The following ETV6 variants were observed in gnomAD, a reference collection of about 807,000 sequenced individuals.
ETV6 encodes the protein transcription factor ETV6.
Under a neutral mutation model 51.1 loss-of-function variants are expected in ETV6, and 16 were observed. That is an observed-to-expected ratio of 0.31 (90% confidence interval 0.21 to 0.48). The LOEUF (loss-of-function observed/expected upper bound fraction) is 0.48, where lower values mean the gene tolerates loss of function less well. Among genes scored for constraint, ETV6 ranks in the 20% least tolerant of loss-of-function variants. The pLI is 0.99. For missense variants in ETV6, 458 were observed against 594.8 expected, an observed-to-expected ratio of 0.77 and a Z score of 2.39; for synonymous variants, 240 against 224.1, an observed-to-expected ratio of 1.07 and a Z score of -0.64.
At chr12:11,805,164 A>G (rs1830426088) in intron 2 of ETV6, among the ~76,000 whole-genome samples, 1 of 152,192 alleles carries the variant, frequency 6.6e-6, no homozygotes, top group Non-Finnish European at 1.5e-5. Context: ...GCCTGCCTTC[A>G]GAGGCACTTG....
At chr12:11,670,092 A>G (rs1346573655) in intron 1 of ETV6, among the ~76,000 whole-genome samples, 1 of 150,936 alleles carries the variant, frequency 6.6e-6, no homozygotes, top group Non-Finnish European at 1.5e-5. Flanking sequence ...TTTTATCTTT[A>G]AAATTTTCTT....
At chr12:11,651,424 C>T (rs1006712362) in intron 1 of ETV6, among the ~76,000 whole-genome samples, 3 of 152,146 alleles carry the variant, frequency 2.0e-5, no homozygotes, top group South Asian at 2.1e-4. Context: ...TTTGGTGTTT[C>T]TTATCAGAAA....
chr12:11,763,148 CT>C, intron 2 of ETV6, among the ~76,000 whole-genome samples: 1 of 152,274 alleles, frequency 6.6e-6, no homozygotes, highest in South Asian at 2.1e-4. Context: ...ATTCTGATTC[CT>C]TCACGCCATT....
chr12:11,823,105 G>C (rs1346323159), intron 2 of ETV6, among the ~76,000 whole-genome samples: 3 of 152,158 alleles, frequency 2.0e-5, no homozygotes, highest in Admixed American at 2.0e-4. Context: ...AAGACCAACC[G>C]CACCTGTAGG....
chr12:11,704,821 A>G (rs941541949), intron 1 of ETV6, among the ~76,000 whole-genome samples: 3 of 152,110 alleles, frequency 2.0e-5, no homozygotes, highest in Admixed American at 2.0e-4. Context: ...TAAAATCTAC[A>G]TATTTAACAA....
At chr12:11,727,655 T>C (rs1313816975) in intron 1 of ETV6, among the ~76,000 whole-genome samples, 1 of 148,056 alleles carries the variant, frequency 6.8e-6, no homozygotes. Context: ...TACATGGTCA[T>C]GAAAAGTGCA....
intron 1 of ETV6, among the ~76,000 whole-genome samples, chr12:11,673,508 A>G (rs529285057): frequency 6.6e-6 from 1 of 152,332 alleles, no homozygotes; most frequent in South Asian, 2.1e-4. Flanking sequence ...AAAAAGCAGT[A>G]AAGTCAGGTC....
chr12:11,720,467 A>G (rs1208417308), intron 1 of ETV6, among the ~76,000 whole-genome samples: 1 of 152,210 alleles, frequency 6.6e-6, no homozygotes, highest in Non-Finnish European at 1.5e-5. Context: ...CAACAAAAAC[A>G]AGCAATGGGG....
chr12:11,686,222 A>G (rs950015019), intron 1 of ETV6, among the ~76,000 whole-genome samples: 3 of 152,226 alleles, frequency 2.0e-5, no homozygotes, highest in Non-Finnish European at 4.4e-5. Context: ...CCCGACATCA[A>G]TGCTCTTGTG....
intron 1 of ETV6, among the ~76,000 whole-genome samples, chr12:11,665,643 G>T (rs1193755035): frequency 6.6e-6 from 1 of 152,190 alleles, no homozygotes; most frequent in African/African-American, 2.4e-5. Context: ...CTTAATTGGT[G>T]CCAGGCTCTT....
intron 1 of ETV6, among the ~76,000 whole-genome samples, chr12:11,652,402 G>A (rs1863922795): frequency 6.6e-6 from 1 of 152,180 alleles, no homozygotes; most frequent in South Asian, 2.1e-4. Context: ...CTTGGGATGT[G>A]GTACGGTGAC....
chr12:11,709,607 G>C (rs960009529), intron 1 of ETV6, among the ~76,000 whole-genome samples: 4 of 152,308 alleles, frequency 2.6e-5, no homozygotes, highest in African/African-American at 9.6e-5. Flanking sequence ...CAACTTAGAT[G>C]GGCCACAGTG....
At chr12:11,738,894 G>T (rs904856234) in intron 1 of ETV6, among the ~76,000 whole-genome samples, 1 of 152,062 alleles carries the variant, frequency 6.6e-6, no homozygotes, top group Admixed American at 6.5e-5. Flanking sequence ...TTGTGGCTGC[G>T]CAACGTTTTT....
intron 5 of ETV6, 107 bp from the exon 6 acceptor site, chr12:11,884,338 A>G: frequency 8.0e-7 from 1 of 1,253,778 alleles, no homozygotes; most frequent in Non-Finnish European, 1.1e-6. Context: ...ACAATCAGTC[A>G]ACCCAAGCTA....
intron 1 of ETV6, among the ~76,000 whole-genome samples, chr12:11,719,129 TAGTG>T (rs1865333059): frequency 6.6e-6 from 1 of 152,328 alleles, no homozygotes; most frequent in African/African-American, 2.4e-5. Flanking sequence ...GCCACCCTGT[TAGTG>T]AGGCCGCTGG....
chr12:11,691,520 TA>T (rs1565487994), intron 1 of ETV6, among the ~76,000 whole-genome samples: 1 of 152,220 alleles, frequency 6.6e-6, no homozygotes, highest in African/African-American at 2.4e-5. Context: ...CATACACACA[TA>T]AAAAGTATGT....
At chr12:11,790,790 G>A (rs947613176) in intron 2 of ETV6, among the ~76,000 whole-genome samples, 10 of 149,574 alleles carry the variant, frequency 6.7e-5, no homozygotes, top group African/African-American at 2.5e-4. Context: ...CGATTCTCCT[G>A]CCTCAGCCTC....
At chr12:11,676,621 C>A (rs1864426540) in intron 1 of ETV6, among the ~76,000 whole-genome samples, 1 of 152,216 alleles carries the variant, frequency 6.6e-6, no homozygotes, top group South Asian at 2.1e-4. Context: ...GGGGTCTTTT[C>A]TTGAACTCCT....
intron 5 of ETV6, among the ~76,000 whole-genome samples, chr12:11,879,306 TTTAAA>T (rs1450888538): frequency 5.9e-5 from 9 of 152,330 alleles, no homozygotes; most frequent in South Asian, 2.1e-4. Flanking sequence ...TTTCCTGAAA[TTTAAA>T]TTAACCACAA....
Sources: gnomAD v4.1 joint callset for allele counts (sites outside exome capture counted in the v4.1 genomes callset) on GRCh38, gnomAD v4.1.1 for gene constraint, MANE v1.5 for transcripts, NCBI Gene and HGNC (gene_info 2026-07-23, HGNC 2026-07-21) for gene names.